PDZD4: variants seen among roughly 807,000 people sequenced by gnomAD.
PDZD4 encodes PDZ domain containing 4, also known as PDZ domain-containing protein 4.
A neutral mutation model predicts 38.5 loss-of-function variants in PDZD4; 9 were observed. The ratio of observed to expected loss-of-function variants is 0.23; its 90% CI spans 0.14 to 0.41. The LOEUF is 0.41. PDZD4 is among the 10% of genes least tolerant of loss of function. PDZD4 has a pLI of 1.00. For synonymous variants in PDZD4, 349 were observed against 315.7 expected (o/e 1.11, Z -1.12); for missense variants, 612 against 722.0 (o/e 0.85, Z 1.75).
At chrX:153,805,013 T>A in intron 7 of PDZD4, 84 bp downstream of exon 7, 1 of 1,121,215 alleles carries the variant, frequency 8.9e-7, no homozygotes, top group Non-Finnish European at 1.2e-6. Flanking sequence ...CTGCCAAGCA[T>A]TGGGAGACCC....
intron 1 of PDZD4, among the ~76,000 whole-genome samples, chrX:153,816,239 C>T (rs1557079907): frequency 1.9e-5 from 2 of 106,805 alleles, no homozygotes; most frequent in East Asian, 3.1e-4. Context: ...AGGGGGGCAA[C>T]GTGCGGCAGG....
At chrX:153,815,427 T>C (rs2064351515) in intron 1 of PDZD4, among the ~76,000 whole-genome samples, 1 of 112,073 alleles carries the variant, frequency 8.9e-6, no homozygotes, top group African/African-American at 3.2e-5. Flanking sequence ...CTAGACACAC[T>C]TAGTCTGAAT....
At position 153,807,338 on chromosome X, in the gene PDZD4, C is replaced by A; in HGVS notation, c.346G>T (p.Ala116Ser). 1 of 1,209,756 alleles carries A rather than the reference C, an allele frequency of 8.3e-7. No homozygotes were observed. Among genetic ancestry groups the A allele is most frequent in the Non-Finnish European group, 1.1e-6 (1 of 894,689 alleles). The change falls in exon 3 of 8, where the codon GCG becomes TCG. Residue 116 changes from alanine (A) to serine (S), a missense_variant. Ala to Ser is a moderately conservative substitution (Grantham distance 99). This residue lies in a region of PDZD4 where 225 missense variants were observed against 311.0 expected (regional missense o/e 0.72). Coordinates refer to ENST00000393758, the MANE Select transcript of PDZD4 (RefSeq NM_001303512.2). The stretch of plus-strand genomic sequence containing the variant: ...TGCGGGCCGCCCTCCATAAACTCCG[C>A]CGGGTCATAATACTCATGGCTGATT... ...PPISHEYYDP[A>S]EFMEGGPQEA...
intron 1 of PDZD4, among the ~76,000 whole-genome samples, chrX:153,809,447 C>T (rs983760197): frequency 5.4e-5 from 6 of 112,062 alleles, no homozygotes; most frequent in South Asian, 3.7e-4. Context: ...ATTAGCCGGG[C>T]GTGGTGGTGG....
chrX:153,827,964 G>A (rs1416503350), intron 1 of PDZD4, among the ~76,000 whole-genome samples: 1 of 111,702 alleles, frequency 9.0e-6, no homozygotes, highest in African/African-American at 3.3e-5. Flanking sequence ...GGGGATCCCA[G>A]GCCTCTGTGG....
At chrX:153,830,106 A>C in intron 1 of PDZD4, 133 bp downstream of exon 1, 16 of 568,165 alleles carry the variant, frequency 2.8e-5, no homozygotes, top group Admixed American at 5.9e-5. Context: ...CCAGGATGGG[A>C]GGGTGCGGAC....
Position 153,804,076 on chromosome X carries a change from G to A in PDZD4, c.1605C>T (p.Ser535=). Residue 535 remains serine (S), a synonymous_variant, in exon 8 of 8, where the codon TCC becomes TCT. Transcript: ENST00000393758. ...GGCCGGCCTCAGGATCCCGGGAGAG[G>A]GACCGGAACTTGGCGGGGCTCCCCG... is the stretch of plus-strand genomic sequence containing the variant. The part of the protein sequence containing the change: ...PPPGSPAKFR[S]LSRDPEAGRR... The A allele has an allele frequency of 8.6e-7, 1 of 1,157,650 alleles. No homozygotes were observed. Among genetic ancestry groups the A allele is most frequent in the Non-Finnish European group, 1.1e-6 (1 of 871,579 alleles).
intron 1 of PDZD4, among the ~76,000 whole-genome samples, chrX:153,819,431 C>T (rs1557080742): frequency 2.7e-5 from 3 of 112,701 alleles, no homozygotes; most frequent in South Asian, 7.3e-4. Flanking sequence ...GCCTGCGACC[C>T]CTTTCACTCT....
In PDZD4 at chrX:153,804,567, G is replaced by A; in HGVS notation, c.1114C>T (p.His372Tyr). The A allele has an allele frequency of 3.3e-6, 4 of 1,209,857 alleles. No individual in the cohort carries two copies. The highest frequency in any genetic ancestry group is 4.5e-6 in the Non-Finnish European group (4 of 895,432). ...CCCAGCTGGTTGCCGTTCTCCAGGT[G>A]GCACTTGATCTCCAGGAGCTCACGG... ...RYRELLEIKC[H>Y]LENGNQLGLL... Residue 372 changes from histidine (H) to tyrosine (Y), a missense_variant, in exon 8 of 8, where the codon CAC (histidine) becomes TAC (tyrosine). Transcript: ENST00000393758.
At chrX:153,819,623 T>C (rs1468630458) in intron 1 of PDZD4, among the ~76,000 whole-genome samples, 2 of 112,444 alleles carry the variant, frequency 1.8e-5, no homozygotes, top group African/African-American at 6.5e-5. Context: ...AGCTCTGACC[T>C]GCCTGCTGGC....
In PDZD4 at chrX:153,806,920, GCCCCTCAGCCCGCAA is replaced by G. The variant is rs1395488290; in HGVS notation, c.406-95_406-81del. The stretch of plus-strand genomic sequence containing the variant: ...GTGAGGGAGCAGGCAGCACAGCCCA[GCCCCTCAGCCCGCAA>G]CCCCTCAGCCCGCAGCCCCTCAGCT... On this transcript the variant is annotated intron_variant, in intron 3 of 7. Coordinates refer to ENST00000393758, the MANE Select transcript of PDZD4 (RefSeq NM_001303512.2). 2.2e-5 allele frequency: 19 copies of G among 852,646 alleles called. No individual in the cohort carries two copies. In the African/African-American group the frequency reaches 3.2e-4, roughly 14 times the overall value. The allele number at this position is 852,646 out of a possible 1,213,427, so 70.3% of individuals were successfully genotyped here.
Position 153,803,184 on chromosome X carries a change from TTC to T in PDZD4, c.*167_*168del, listed in dbSNP as rs1261220688. On this transcript the variant is annotated 3_prime_UTR_variant, in exon 8 of 8. Coordinates refer to ENST00000393758, the MANE Select transcript of PDZD4 (RefSeq NM_001303512.2). Reference sequence around the variant, plus strand: ...AAAAGCGTCCCTTCTCCTCAGGGGCTTCTCTCTGCTAACAAAGCCCTGTGCGC... The same window carrying T: ...AAAAGCGTCCCTTCTCCTCAGGGGCTTCTCTGCTAACAAAGCCCTGTGCGC... 9.0e-6 allele frequency: 3 copies of T among 331,873 alleles called. No individual in the cohort carries two copies. Among genetic ancestry groups the T allele is most frequent in the South Asian group, 1.7e-4 (1 of 5,784 alleles). The allele number at this position is 331,873 out of a possible 1,213,427, so 27.4% of individuals were successfully genotyped here. A position where few individuals can be genotyped will look rare whatever the true frequency, so the allele number is the denominator to read the frequency against.
chrX:153,823,475 C>A (rs1482324859), intron 1 of PDZD4, among the ~76,000 whole-genome samples: 1 of 110,621 alleles, frequency 9.0e-6, no homozygotes, highest in Non-Finnish European at 1.9e-5. Flanking sequence ...ACCTCAGCCT[C>A]CCAAAGTGCT....
At chrX:153,814,214 C>T (rs1250079739) in intron 1 of PDZD4, among the ~76,000 whole-genome samples, 1 of 111,608 alleles carries the variant, frequency 9.0e-6, no homozygotes. Flanking sequence ...AGGCTCACGC[C>T]TGTAATCCCA....
At chrX:153,830,101 A>C in intron 1 of PDZD4, 138 bp downstream of exon 1, 12 of 575,025 alleles carry the variant, frequency 2.1e-5, no homozygotes, top group East Asian at 5.1e-5. Context: ...CAGCCCCAGG[A>C]TGGGAGGGTG....
chrX:153,813,610 G>A (rs1238059553), intron 1 of PDZD4, among the ~76,000 whole-genome samples: 1 of 112,523 alleles, frequency 8.9e-6, no homozygotes, highest in Non-Finnish European at 1.9e-5. Flanking sequence ...GCAGAGAGGC[G>A]AGCAGATGAA....
At chrX:153,822,205 A>C (rs1406452783) in intron 1 of PDZD4, among the ~76,000 whole-genome samples, 65 of 102,118 alleles carry the variant, frequency 6.4e-4, no homozygotes, top group African/African-American at 1.5e-3. Context: ...AAAAAAAAAA[A>C]ACACACAGGA....
At chrX:153,822,913 T>C (rs781988801) in intron 1 of PDZD4, among the ~76,000 whole-genome samples, 52 of 110,513 alleles carry the variant, frequency 4.7e-4, no homozygotes, top group Non-Finnish European at 7.5e-4. Flanking sequence ...TTGTACTACA[T>C]CACACTTCTT....
chrX:153,826,697 C>T (rs1557082588), intron 1 of PDZD4, among the ~76,000 whole-genome samples: 2 of 111,752 alleles, frequency 1.8e-5, no homozygotes, highest in East Asian at 5.6e-4. Flanking sequence ...CAGGTGTGAG[C>T]CAACACGCTC....
Sources: gnomAD v4.1 joint callset for allele counts (sites outside exome capture counted in the v4.1 genomes callset) on GRCh38, gnomAD v4.1.1 for gene constraint, gnomAD v4.1.1 regional missense constraint, MANE v1.5 for transcripts, NCBI Gene and HGNC (gene_info 2026-07-23, HGNC 2026-07-21) for gene names.